PSME4: variants seen among roughly 807,000 people sequenced by gnomAD.
PSME4 encodes the protein proteasome activator subunit 4, also known as proteasome activator complex subunit 4.
In PSME4, 89 loss-of-function variants were observed where a neutral mutation model predicts 253.9. That is an observed-to-expected ratio of 0.35 (90% confidence interval 0.30 to 0.42). PSME4 has a LOEUF of 0.42. Ranked by LOEUF, PSME4 falls within the 10% of genes least tolerant of loss-of-function variation. The probability of loss-of-function intolerance (pLI) is 1.00; values close to 1 mark genes in which losing one functional copy is unlikely to be tolerated. For synonymous variants in PSME4, 851 were observed against 759.2 expected (o/e 1.12, Z -1.99); for missense variants, 2,014 against 2,195.2 (o/e 0.92, Z 1.65).
At chr2:53,912,661 TC>T (rs1667876995) in intron 20 of PSME4, among the ~76,000 whole-genome samples, 1 of 152,166 alleles carries the variant, frequency 6.6e-6, no homozygotes, top group Admixed American at 6.5e-5. Context: ...AGACAGGGTC[TC>T]GCTATGGTGC....
chr2:53,911,818 T>C (rs1227419554), intron 20 of PSME4, among the ~76,000 whole-genome samples: 1 of 152,206 alleles, frequency 6.6e-6, no homozygotes. Flanking sequence ...GCATTCTTTA[T>C]AACCAATTAT....
chr2:53,893,612 T>C, intron 35 of PSME4, 62 bp downstream of exon 35: 3 of 1,580,224 alleles, frequency 1.9e-6, no homozygotes, highest in African/African-American at 1.4e-5. Context: ...TTATAAGTTA[T>C]GAACCTACGA....
In PSME4 at chr2:53,970,630, A is replaced by C; in HGVS notation, c.155T>G (p.Leu52Arg). 6.5e-7 allele frequency: 1 copy of C among 1,549,890 alleles called. No individual in the cohort carries two copies. The highest frequency in any genetic ancestry group is 8.7e-7 in the Non-Finnish European group (1 of 1,146,910). Residue 52 changes from leucine (L) to arginine (R), a missense_variant, in exon 1 of 47, where the codon CTG becomes CGG. Coordinates refer to ENST00000404125, the MANE Select transcript of PSME4 (RefSeq NM_014614.3). ...GCCCAGGTTGCATTTGATCTGGGCC[A>C]GCTGCAAGTCGGACTCGGCGTCTAG... ...ERLDAESDLQ[L>R]AQIKCNLGRA...
chr2:53,874,386 C>G lies in PSME4; in HGVS notation c.5053G>C (p.Asp1685His). 1.2e-6 allele frequency: 2 copies of G among 1,614,090 alleles called. No individual in the cohort carries two copies. The highest frequency in any genetic ancestry group is 1.7e-6 in the Non-Finnish European group (2 of 1,179,986). ...IFLNNEDAVK[D>H]IRWLVISLLE... ...AGACTTATAACCAGCCACCTGATAT[C>G]TTTAACTGCATCTTCATTGTTTAGG... Residue 1685 changes from aspartate to histidine, a missense_variant, in exon 43 of 47, where the codon GAT becomes CAT. Physicochemically the swap from Asp to His is moderately conservative, Grantham distance 81. Around this residue, in one of 4 missense-constraint regions of PSME4, gnomAD observed 403 missense variants for 556.1 expected, o/e 0.72. Coordinates refer to ENST00000404125, the MANE Select transcript of PSME4 (RefSeq NM_014614.3).
intron 43 of PSME4, chr2:53,870,442 C>T (rs1678817098): frequency 6.8e-6 from 1 of 146,816 alleles, no homozygotes; most frequent in South Asian, 2.1e-4. Flanking sequence ...GGCGCAGTCT[C>T]GGCTCACTGC....
At chr2:53,968,141 G>A (rs1308923810) in intron 1 of PSME4, among the ~76,000 whole-genome samples, 1 of 151,802 alleles carries the variant, frequency 6.6e-6, no homozygotes, top group Admixed American at 6.6e-5. Context: ...CAGGCATGGT[G>A]GCACTCGCCT....
intron 39 of PSME4, 94 bp downstream of exon 39, chr2:53,887,764 G>A: frequency 9.4e-6 from 13 of 1,380,146 alleles, no homozygotes; most frequent in Non-Finnish European, 1.3e-5. Context: ...GAAACCCACT[G>A]ACAACATAAC....
At chr2:53,900,826 A>T (rs1680364064) in intron 28 of PSME4, among the ~76,000 whole-genome samples, 1 of 152,100 alleles carries the variant, frequency 6.6e-6, no homozygotes, top group Admixed American at 6.6e-5. Context: ...TGCTGTGCTC[A>T]CCCTTCTTTT....
chr2:53,926,078 GAACT>G (rs1004567955), intron 12 of PSME4, 55 bp from the exon 13 acceptor site: 8 of 1,435,386 alleles, frequency 5.6e-6, no homozygotes, highest in South Asian at 4.7e-5. Flanking sequence ...TTTTTTTCCT[GAACT>G]AACAAAACTC....
At chr2:53,968,823 A>G (rs1010549478) in intron 1 of PSME4, among the ~76,000 whole-genome samples, 1 of 152,242 alleles carries the variant, frequency 6.6e-6, no homozygotes, top group Non-Finnish European at 1.5e-5. Context: ...ATAAGCCAAA[A>G]CAATAACAAA....
intron 13 of PSME4, 52 bp downstream of exon 13, chr2:53,925,907 A>G (rs778426857): frequency 2.6e-6 from 4 of 1,527,070 alleles, no homozygotes; most frequent in Admixed American, 1.7e-5. Context: ...CTGGGATAGA[A>G]GAGTCATTTT....
intron 21 of PSME4, among the ~76,000 whole-genome samples, chr2:53,909,735 G>A (rs980593304): frequency 6.6e-6 from 1 of 152,180 alleles, no homozygotes; most frequent in African/African-American, 2.4e-5. Flanking sequence ...GCGGAGGTGG[G>A]TAGATCACTT....
At chr2:53,905,164 G>A (rs1363475081) in intron 26 of PSME4, among the ~76,000 whole-genome samples, 4 of 151,120 alleles carry the variant, frequency 2.6e-5, no homozygotes, top group Admixed American at 2.6e-4. Context: ...CGTGTAGCTG[G>A]GACTATAGGC....
intron 20 of PSME4, among the ~76,000 whole-genome samples, chr2:53,911,314 T>C (rs1300330392): frequency 6.6e-6 from 1 of 152,184 alleles, no homozygotes; most frequent in Non-Finnish European, 1.5e-5. Flanking sequence ...TGTATATTAA[T>C]AGTATCAAAC....
intron 1 of PSME4, among the ~76,000 whole-genome samples, chr2:53,949,514 T>G (rs914742351): frequency 3.9e-5 from 6 of 152,024 alleles, no homozygotes; most frequent in African/African-American, 1.5e-4. Flanking sequence ...AAACAGGAAT[T>G]TATTTGCCAG....
At chr2:53,970,497 C>T in intron 1 of PSME4, 46 bp downstream of exon 1, 2 of 1,547,650 alleles carry the variant, frequency 1.3e-6, no homozygotes, top group Non-Finnish European at 1.7e-6. Context: ...ACACCTCTCA[C>T]TGAGCCTTTC....
intron 43 of PSME4, among the ~76,000 whole-genome samples, chr2:53,873,072 C>G (rs1361083185): frequency 6.6e-6 from 1 of 151,478 alleles, no homozygotes; most frequent in African/African-American, 2.4e-5. Context: ...AACCCCGTCT[C>G]TACTAAAAAT....
At chr2:53,927,610 G>T in intron 11 of PSME4, 127 bp from the exon 12 acceptor site, 1 of 734,280 alleles carries the variant, frequency 1.4e-6, no homozygotes, top group Non-Finnish European at 2.3e-6. Context: ...GTTTTTCTGG[G>T]TATTCCTCAT....
intron 2 of PSME4, 106 bp downstream of exon 2, chr2:53,949,037 T>G (rs1389783597): frequency 6.6e-6 from 9 of 1,364,300 alleles, no homozygotes; most frequent in Non-Finnish European, 7.8e-6. Context: ...TTTTCCAAAT[T>G]GGCAATTTGA....
Sources: allele counts gnomAD v4.1 joint callset (sites outside exome capture counted in the v4.1 genomes callset), GRCh38; gene constraint gnomAD v4.1.1; regional missense constraint gnomAD v4.1.1; transcripts MANE v1.5; gene names NCBI Gene and HGNC (gene_info 2026-07-23, HGNC 2026-07-21).